BZW1: variants seen among roughly 807,000 people sequenced by gnomAD.
The protein encoded by BZW1 is basic leucine zipper and W2 domains 1, also known as eIF5-mimic protein 2.
A neutral mutation model predicts 54.1 loss-of-function variants in BZW1; 3 were observed. The observed-to-expected ratio is 0.06, with a 90% confidence interval of 0.03 to 0.14. BZW1 has a LOEUF of 0.14. BZW1 is among the 10% of genes least tolerant of loss of function. The pLI is 1.00. For synonymous variants in BZW1, 152 were observed against 162.7 expected, an observed-to-expected ratio of 0.93 and a Z score of 0.50; for missense variants, 206 against 491.7, an observed-to-expected ratio of 0.42 and a Z score of 5.50.
At chr2:200,813,185 A>G in intron 1 of BZW1, 23 bp from the exon 2 acceptor site, 2 of 1,596,750 alleles carry the variant, frequency 1.3e-6, no homozygotes, top group African/African-American at 2.7e-5. Context: ...ACTGATATTA[A>G]GGCTTTATTT....
chr2:200,820,851 A>G (rs1361565890), intron 10 of BZW1, among the ~76,000 whole-genome samples: 2 of 152,200 alleles, frequency 1.3e-5, no homozygotes, highest in Non-Finnish European at 2.9e-5. Flanking sequence ...GTGCTTCTAT[A>G]GCAACCCCAA....
In BZW1 at chr2:200,812,275, G is replaced by C. The variant is rs2038096420; in HGVS notation, c.-11+285G>C. 4.1e-6 allele frequency: 5 copies of C among 1,232,454 alleles called. 1 individual carries two copies. In the African/African-American group the frequency reaches 7.8e-5, roughly 19 times the overall value. 76.3% of individuals were successfully genotyped at this position (1,232,454 alleles called of 1,614,324 possible). On this transcript the variant is annotated intron_variant, in intron 1 of 11. Transcript: ENST00000409600. Reference sequence around the variant, plus strand: ...GCTCCCTCTGGGCCGTGCCCGGCCTGGCTAACAAAGCCGCCGCGGCCTCTG... The same window carrying C: ...GCTCCCTCTGGGCCGTGCCCGGCCTCGCTAACAAAGCCGCCGCGGCCTCTG...
intron 10 of BZW1, 29 bp from the exon 11 acceptor site, chr2:200,821,153 CT>C (rs1292147200): frequency 6.2e-7 from 1 of 1,608,614 alleles, no homozygotes; most frequent in Middle Eastern, 2.3e-4. Context: ...TATATTAAAA[CT>C]CCCTTAATGC....
intron 9 of BZW1, 162 bp downstream of exon 9, chr2:200,819,063 C>T (rs1214195559): frequency 8.3e-6 from 7 of 845,136 alleles, no homozygotes; most frequent in Admixed American, 7.4e-5. Flanking sequence ...GATGATAATG[C>T]TCTGAATTGG....
intron 10 of BZW1, among the ~76,000 whole-genome samples, chr2:200,820,684 A>G (rs1484443929): frequency 7.4e-6 from 1 of 135,788 alleles, no homozygotes; most frequent in Non-Finnish European, 1.5e-5. Context: ...ACCCTGTTTC[A>G]AAAAAAAAAA....
At chr2:200,813,862 C>T (rs111306409) in intron 2 of BZW1, among the ~76,000 whole-genome samples, 1,607 of 152,130 alleles carry the variant, frequency 0.011, 17 homozygotes, top group Non-Finnish European at 0.013. Context: ...CTAAATAAGA[C>T]GTAGTCTCAG....
Position 200,818,204 on chromosome 2 carries a change from A to G in BZW1, c.649-19A>G, listed in dbSNP as rs1355452281. 5.2e-6 allele frequency: 8 copies of G among 1,543,746 alleles called. No individual in the cohort carries two copies. The South Asian group carries it at 8.5e-5, about 16-fold the overall frequency. On this transcript the variant is annotated intron_variant, in intron 7 of 11. Coordinates refer to ENST00000409600, the MANE Select transcript of BZW1 (RefSeq NM_001207067.2). Reference sequence around the variant, plus strand: ...AATCTGATTTAAAGAAAGTTTAACCAGATAAATTCTTCTTTTAGGAACTCT... The same window carrying G: ...AATCTGATTTAAAGAAAGTTTAACCGGATAAATTCTTCTTTTAGGAACTCT...
intron 5 of BZW1, 23 bp from the exon 6 acceptor site, chr2:200,817,076 TTTAACCC>T (rs1174558833): frequency 6.2e-7 from 1 of 1,608,508 alleles, no homozygotes; most frequent in African/African-American, 1.3e-5. Context: ...CAGTTGCTGT[TTTAACCC>T]TTAATTGTTT....
chr2:200,819,947 T>C (rs2038446980), intron 9 of BZW1, 35 bp from the exon 10 acceptor site: 11 of 1,462,104 alleles, frequency 7.5e-6, no homozygotes, highest in Non-Finnish European at 1.0e-5. Flanking sequence ...TTATTTGTAA[T>C]GAATGACTAA....
chr2:200,822,097 C>G (rs751174656), intron 11 of BZW1, 50 bp from the exon 12 acceptor site: 6 of 1,524,938 alleles, frequency 3.9e-6, no homozygotes, highest in Non-Finnish European at 5.4e-6. Context: ...TAAATGGGAA[C>G]TTTTGCCTTC....
chr2:200,812,700 A>G, intron 1 of BZW1: 1 of 898,328 alleles, frequency 1.1e-6, no homozygotes, highest in East Asian at 2.6e-5. Flanking sequence ...GAGTGGTGCA[A>G]GGCGGCCGCT....
chr2:200,817,600 C>T (rs1349117049), intron 6 of BZW1, among the ~76,000 whole-genome samples: 3 of 151,722 alleles, frequency 2.0e-5, no homozygotes, highest in African/African-American at 7.3e-5. Flanking sequence ...CCCTGTTTGG[C>T]TCCAATTGTC....
At chr2:200,821,041 T>G in intron 10 of BZW1, 142 bp from the exon 11 acceptor site, 1 of 985,134 alleles carries the variant, frequency 1.0e-6, no homozygotes, top group Non-Finnish European at 1.5e-6. Flanking sequence ...TGCGCACATG[T>G]ATTATTATCT....
intron 1 of BZW1, chr2:200,812,491 A>G: frequency 7.4e-7 from 1 of 1,351,078 alleles, no homozygotes; most frequent in Non-Finnish European, 9.5e-7. Context: ...CGCAGGCGAC[A>G]GGGTCAGTGG....
intron 10 of BZW1, 115 bp from the exon 11 acceptor site, chr2:200,821,068 G>A: frequency 2.4e-6 from 3 of 1,269,884 alleles, no homozygotes; most frequent in Non-Finnish European, 3.3e-6. Context: ...TCTCATGGAT[G>A]TTTTTAGCTT....
intron 2 of BZW1, among the ~76,000 whole-genome samples, chr2:200,813,862 CGTA>C (rs1252777350): frequency 4.6e-5 from 7 of 152,016 alleles, no homozygotes; most frequent in African/African-American, 1.4e-4. Flanking sequence ...CTAAATAAGA[CGTA>C]GTCTCAGATA....
rs1159646235 is a variant in BZW1, at chr2:200,818,291, A to G, written c.717A>G (p.Lys239=). The change falls in exon 8 of 12, where the codon AAA becomes AAG. Residue 239 remains lysine (K), a synonymous_variant. Coordinates refer to ENST00000409600, the MANE Select transcript of BZW1 (RefSeq NM_001207067.2). ...AATATTTTACTGAGGCAGGCTTGAA[A>G]GAGCTTTCAGAATATGTTCGGAATC... is the stretch of plus-strand genomic sequence containing the variant. The part of the protein sequence containing the change: ...FTKYFTEAGL[K]ELSEYVRNQQ... 1 of 1,611,392 alleles carries G rather than the reference A, an allele frequency of 6.2e-7. No individual in the cohort carries two copies. The highest frequency in any genetic ancestry group is 1.7e-5 in the Admixed American group (1 of 59,172).
In BZW1 at chr2:200,821,262, G is replaced by A. The variant is rs2038498368; in HGVS notation, c.1185G>A (p.Glu395=). ...CAAAGGGGAAGAGTGTTTTCCTTGA[G>A]CAAATGAAAAAGTTTGTAGAATGGC... ...HVAKGKSVFL[E]QMKKFVEWLK... Residue 395 remains glutamate, a synonymous_variant, in exon 11 of 12, where the codon GAG becomes GAA. Coordinates refer to ENST00000409600, the MANE Select transcript of BZW1 (RefSeq NM_001207067.2). 1 of 1,613,248 alleles carries A rather than the reference G, an allele frequency of 6.2e-7. No homozygotes were observed. Among genetic ancestry groups the A allele is most frequent in the Admixed American group, 1.7e-5 (1 of 60,010 alleles).
chr2:200,812,155 C>T, intron 1 of BZW1, 165 bp downstream of exon 1: 1 of 1,125,092 alleles, frequency 8.9e-7, no homozygotes, highest in African/African-American at 1.6e-5. Context: ...GCCGCCGCTT[C>T]GGCAGGGAGG....
Sources: allele counts gnomAD v4.1 joint callset (sites outside exome capture counted in the v4.1 genomes callset), GRCh38; gene constraint gnomAD v4.1.1; transcripts MANE v1.5; gene names NCBI Gene and HGNC (gene_info 2026-07-23, HGNC 2026-07-21).